The following GGPS1 variants were observed in gnomAD, a reference collection of about 807,000 sequenced individuals.
GGPS1 encodes the protein geranylgeranyl pyrophosphate synthase.
Under a neutral mutation model 28.1 loss-of-function variants are expected in GGPS1, and 15 were observed. That is an observed-to-expected ratio of 0.53 (90% CI 0.36 to 0.82). GGPS1 has a LOEUF of 0.82. Ranked by LOEUF, GGPS1 falls within the 40% of genes least tolerant of loss-of-function variation. The pLI is 0.01. For synonymous variants in GGPS1, 138 were observed against 122.4 expected (o/e 1.13, Z -0.84); for missense variants, 284 against 348.3 (o/e 0.82, Z 1.47).
upstream of GGPS1, chr1:235,327,246 A>C: frequency 4.1e-6 from 1 of 243,392 alleles, no homozygotes; most frequent in Non-Finnish European, 8.1e-6. Context: ...CAGAGAAGAA[A>C]CTCACAACAA....
chr1:235,342,218 C>T lies in GGPS1; in HGVS notation c.349C>T (p.Arg117Cys), dbSNP rs753527137. 15 of 1,613,624 alleles carry T rather than the reference C, an allele frequency of 9.3e-6. No individual in the cohort carries two copies. The highest frequency in any genetic ancestry group is 2.2e-5 in the East Asian group (1 of 44,890). The change falls in exon 4 of 4, where the codon CGC becomes TGC. Residue 117 changes from arginine (R) to cysteine (C), a missense_variant. Coordinates refer to ENST00000282841, the MANE Select transcript of GGPS1 (RefSeq NM_004837.4). ...DHPDAVKLFT[R>C]QLLELHQGQG... The stretch of plus-strand genomic sequence containing the variant: ...CCCAGATGCAGTGAAGCTTTTTACC[C>T]GCCAGCTTTTGGAACTCCATCAGGG...
At chr1:235,336,863 T>A (rs557145379) in intron 2 of GGPS1, 1 of 153,344 alleles carries the variant, frequency 6.5e-6, no homozygotes, top group Admixed American at 6.5e-5. Context: ...GCCAAAAGAA[T>A]GCTTGCTCCT....
chr1:235,329,382 GA>G, intron 1 of GGPS1: 1 of 152,410 alleles, frequency 6.6e-6, no homozygotes, highest in South Asian at 2.1e-4. Flanking sequence ...TGGTGAGACG[GA>G]CAGATGCTGA....
intron 1 of GGPS1, among the ~76,000 whole-genome samples, chr1:235,334,117 C>T (rs1377307621): frequency 2.6e-5 from 4 of 152,038 alleles, no homozygotes; most frequent in Admixed American, 1.3e-4. Context: ...TGAGTTAATG[C>T]GTATTTTAAA....
chr1:235,342,487 A>C lies in GGPS1; in HGVS notation c.618A>C (p.Glu206Asp), dbSNP rs1318752322. ...ATAGTGAAAACAAAAGTTTTTGTGA[A>C]GATCTGACAGAGGGAAAGTTCTCAT... ...KEYSENKSFC[E>D]DLTEGKFSFP... The change falls in exon 4 of 4, where the codon GAA becomes GAC. Residue 206 changes from glutamate (E) to aspartate (D), a missense_variant. Coordinates refer to ENST00000282841, the MANE Select transcript of GGPS1 (RefSeq NM_004837.4). The C allele has an allele frequency of 6.2e-7, 1 of 1,613,726 alleles. No homozygotes were observed. Among genetic ancestry groups the C allele is most frequent in the South Asian group, 1.1e-5 (1 of 91,056 alleles).
Position 235,342,811 on chromosome 1 carries a change from A to T in GGPS1, c.*39A>T. 1.4e-6 allele frequency: 2 copies of T among 1,402,898 alleles called. No homozygotes were observed. The highest frequency in any genetic ancestry group is 1.9e-6 in the Non-Finnish European group (2 of 1,029,286). 86.9% of individuals were successfully genotyped at this position (1,402,898 alleles called of 1,614,324 possible). A position where few individuals can be genotyped will look rare whatever the true frequency, so the allele number is the denominator to read the frequency against. ...TTGATTGGACCTCATAGCTTATTTT[A>T]GTTAATCTTTTTTTTGTCTTTTAGC... is the stretch of plus-strand genomic sequence containing the variant. On this transcript the variant is annotated 3_prime_UTR_variant, in exon 4 of 4. Transcript: ENST00000282841.
chr1:235,329,359 G>C (rs1336626383), intron 1 of GGPS1: 2 of 152,252 alleles, frequency 1.3e-5, no homozygotes, highest in Non-Finnish European at 2.9e-5. Flanking sequence ...CTCTGCCTTC[G>C]TAGACCTGCG....
chr1:235,335,400 A>G, intron 2 of GGPS1, 66 bp downstream of exon 2: 1 of 753,810 alleles, frequency 1.3e-6, no homozygotes, highest in Middle Eastern at 2.4e-4. Context: ...AAATGTTAGC[A>G]AATAGAAAAG....
Position 235,335,859 on chromosome 1 carries a change from A to T in GGPS1, c.70+525A>T, listed in dbSNP as rs77208795. Reference sequence around the variant, plus strand: ...GTTACGCAGATTTGTTTAACAGTAGAACACTTTATTTACCATACATGTTCA... The same window carrying T: ...GTTACGCAGATTTGTTTAACAGTAGTACACTTTATTTACCATACATGTTCA... On this transcript the variant is annotated intron_variant, in intron 2 of 3. Transcript: ENST00000282841. 3.9e-5 allele frequency among the ~76,000 whole-genome samples: 6 copies of T among 152,354 alleles called. No individual in the cohort carries two copies. In the East Asian group the frequency reaches 1.2e-3, roughly 29 times the overall value.
chr1:235,342,508 C>T lies in GGPS1; in HGVS notation c.639C>T (p.Phe213=). 1 of 1,613,666 alleles carries T rather than the reference C, an allele frequency of 6.2e-7. No individual in the cohort carries two copies. The highest frequency in any genetic ancestry group is 8.5e-7 in the Non-Finnish European group (1 of 1,179,760). ...GTGAAGATCTGACAGAGGGAAAGTT[C>T]TCATTTCCTACTATTCATGCTATTT... ...SFCEDLTEGK[F]SFPTIHAIWS... The change falls in exon 4 of 4, where the codon TTC becomes TTT. Residue 213 remains phenylalanine (F), a synonymous_variant. Coordinates refer to ENST00000282841, the MANE Select transcript of GGPS1 (RefSeq NM_004837.4).
Position 235,342,274 on chromosome 1 carries a change from T to C in GGPS1, c.405T>C (p.Asn135=). Residue 135 remains asparagine, a synonymous_variant, in exon 4 of 4, where the codon AAT becomes AAC. Coordinates refer to ENST00000282841, the MANE Select transcript of GGPS1 (RefSeq NM_004837.4). ...GCCTAGATATTTACTGGAGGGATAA[T>C]TACACTTGTCCCACTGAAGAAGAAT... The part of the protein sequence containing the change: ...GQGLDIYWRD[N]YTCPTEEEYK... 3.1e-6 allele frequency: 5 copies of C among 1,614,104 alleles called. No homozygotes were observed. Among genetic ancestry groups the C allele is most frequent in the Non-Finnish European group, 3.4e-6 (4 of 1,179,966 alleles).
intron 1 of GGPS1, 38 bp from the exon 2 acceptor site, chr1:235,335,204 T>C: frequency 1.2e-6 from 1 of 828,636 alleles, no homozygotes; most frequent in Non-Finnish European, 2.0e-6. Flanking sequence ...GAAAGATGAT[T>C]AGTTTCATGT....
chr1:235,335,567 G>A (rs1281081887), intron 2 of GGPS1, among the ~76,000 whole-genome samples: 6 of 152,196 alleles, frequency 3.9e-5, no homozygotes. Context: ...GCTGAGGCAG[G>A]AGGATGGCTT....
At chr1:235,341,242 A>G (rs1676035867) in intron 2 of GGPS1, among the ~76,000 whole-genome samples, 1 of 151,984 alleles carries the variant, frequency 6.6e-6, no homozygotes, top group African/African-American at 2.4e-5. Context: ...CACGAGAATC[A>G]TGTGAACCCA....
At chr1:235,336,791 A>G (rs1046437351) in intron 2 of GGPS1, 5 of 152,432 alleles carry the variant, frequency 3.3e-5, no homozygotes, top group Non-Finnish European at 7.3e-5. Flanking sequence ...ACCTTTCTTT[A>G]TGAGCACTTC....
chr1:235,341,797 C>G lies in GGPS1; in HGVS notation c.141+19C>G, dbSNP rs1558327696. 7.3e-7 allele frequency: 1 copy of G among 1,379,062 alleles called. No individual in the cohort carries two copies. The highest frequency in any genetic ancestry group is 2.3e-5 in the East Asian group (1 of 43,806). The allele number at this position is 1,379,062 out of a possible 1,614,324, so 85.4% of individuals were successfully genotyped here. On this transcript the variant is annotated intron_variant, in intron 3 of 3. Coordinates refer to ENST00000282841, the MANE Select transcript of GGPS1 (RefSeq NM_004837.4). ...GCTACAGGTATTAGGCAACTCTAAC[C>G]TCATTAATCCCCAAGAAATTAATAG... is the stretch of plus-strand genomic sequence containing the variant.
intron 3 of GGPS1, 86 bp downstream of exon 3, chr1:235,341,864 C>A (rs1676053910): frequency 2.1e-6 from 2 of 936,414 alleles, no homozygotes; most frequent in Non-Finnish European, 3.4e-6. Context: ...TGAATTTAGT[C>A]CTCATGCAAG....
intron 3 of GGPS1, 30 bp from the exon 4 acceptor site, chr1:235,341,981 A>G: frequency 7.3e-7 from 1 of 1,365,830 alleles, no homozygotes; most frequent in Non-Finnish European, 1.0e-6. Flanking sequence ...GAATAGTTCA[A>G]ATAAGTGAAA....
rs1676127359 is a variant in GGPS1 at position 235,343,764 on chromosome 1, A to G, written c.*992A>G. The G allele has an allele frequency of 1.2e-5, 2 of 166,840 alleles. No individual in the cohort carries two copies. The highest frequency in any genetic ancestry group is 2.4e-5 in the African/African-American group (1 of 41,366). 10.3% of individuals were successfully genotyped at this position (166,840 alleles called of 1,614,324 possible). On this transcript the variant is annotated 3_prime_UTR_variant, in exon 4 of 4. Coordinates refer to ENST00000282841, the MANE Select transcript of GGPS1 (RefSeq NM_004837.4). ...ATATGGGTACAGCATTCCCTTTCCA[A>G]TTGGGAAGCGGAAAAAGAGAGTATG...
Sources: gnomAD v4.1 joint callset for allele counts (sites outside exome capture counted in the v4.1 genomes callset) on GRCh38, gnomAD v4.1.1 for gene constraint, MANE v1.5 for transcripts, NCBI Gene and HGNC (gene_info 2026-07-23, HGNC 2026-07-21) for gene names.